The following NRAP variants were observed in gnomAD, a reference collection of about 807,000 sequenced individuals.
NRAP encodes nebulin-related-anchoring protein.
In NRAP, 189 loss-of-function variants were observed where a neutral mutation model predicts 225.9. That is an observed-to-expected ratio of 0.84 (90% CI 0.74 to 0.94). The LOEUF (loss-of-function observed/expected upper bound fraction) is 0.94. NRAP is among the 40% of genes least tolerant of loss of function. NRAP has a pLI of 0.00. For missense variants in NRAP, 2,176 were observed against 2,168.7 expected (o/e 1.00, Z -0.07); for synonymous variants, 769 against 790.7 (o/e 0.97, Z 0.46).
chr10:113,663,877 A>G lies in NRAP; in HGVS notation c.6T>C (p.Asn2=), dbSNP rs771281247. 1.9e-6 allele frequency: 3 copies of G among 1,613,270 alleles called. No individual in the cohort carries two copies. Among genetic ancestry groups the G allele is most frequent in the East Asian group, 4.5e-5 (2 of 44,886 alleles). The part of the protein sequence containing the change: M[N]VQPCSRCGYG... Reference sequence around the variant, plus strand: ...ACCCACACCTAGAACAGGGCTGCACATTCATCTCGAAGCCGGAAGAGAGAG... The same window carrying G: ...ACCCACACCTAGAACAGGGCTGCACGTTCATCTCGAAGCCGGAAGAGAGAG... The change falls in exon 1 of 42, where the codon AAT becomes AAC. Residue 2 remains asparagine, a synonymous_variant. Transcript: ENST00000359988.
chr10:113,646,077 G>A, intron 10 of NRAP, 136 bp from the exon 11 acceptor site: 1 of 548,172 alleles, frequency 1.8e-6, no homozygotes, highest in Admixed American at 3.1e-5. Context: ...AATTCACATG[G>A]CCTTTTCTCT....
Position 113,617,538 on chromosome 10 carries a change from G to C in NRAP, c.2890C>G (p.His964Asp), listed in dbSNP as rs1847741058. ...ELISEKKYRQ[H>D]PDALKFTSIK... is the part of the protein sequence containing the mutation. ...CTGGTAAACTTCAAAGCATCTGGAT[G>C]CTGACGGTACTTCTTCTGTTGAGCA... Residue 964 changes from histidine to aspartate, a missense_variant, in exon 26 of 42, where the codon CAT (histidine) becomes GAT (aspartate). By Grantham distance (81) the His-to-Asp change is moderately conservative. Coordinates refer to ENST00000359988, the MANE Select transcript of NRAP (RefSeq NM_198060.4). 6.2e-7 allele frequency: 1 copy of C among 1,607,790 alleles called. No individual in the cohort carries two copies.
chr10:113,655,455 T>C (rs10749139), intron 4 of NRAP, among the ~76,000 whole-genome samples: 20,358 of 55,700 alleles, frequency 0.37, 1,555 homozygotes, highest in Non-Finnish European at 0.41. Flanking sequence ...TACATCCATT[T>C]TTTTTTTTTT....
Position 113,605,869 on chromosome 10 carries a change from C to A in NRAP, c.3808G>T (p.Ala1270Ser). Residue 1270 changes from alanine to serine, a missense_variant and splice_region_variant, in exon 34 of 42, where the codon GCA (alanine) becomes TCA (serine). Transcript: ENST00000359988. ...TTACGCCAGGACTCTTTGTATCTTG[C>A]CTAAAGTGGGAACACATGTAAATCT... is the stretch of plus-strand genomic sequence containing the variant. ...AKTNAANLSD[A>S]RYKESWRNLR... is the part of the protein sequence containing the mutation. 1 of 1,608,376 alleles carries A rather than the reference C, an allele frequency of 6.2e-7. No individual in the cohort carries two copies. Among genetic ancestry groups the A allele is most frequent in the South Asian group, 1.1e-5 (1 of 90,586 alleles).
chr10:113,626,216 C>A (rs958284290), intron 20 of NRAP, 71 bp from the exon 21 acceptor site: 5 of 796,850 alleles, frequency 6.3e-6, no homozygotes, highest in East Asian at 2.9e-5. Context: ...CATGTGCCCC[C>A]ACACACACAC....
chr10:113,646,582 G>A (rs774752184), intron 10 of NRAP, among the ~76,000 whole-genome samples: 3 of 152,176 alleles, frequency 2.0e-5, no homozygotes, highest in Non-Finnish European at 2.9e-5. Context: ...CACCCAATTT[G>A]ATAATCATAT....
At position 113,620,732 on chromosome 10, in the gene NRAP, A is replaced by G. The variant is rs545507957; in HGVS notation, c.2770-24T>C. On this transcript the variant is annotated intron_variant, in intron 24 of 41. Coordinates refer to ENST00000359988, the MANE Select transcript of NRAP (RefSeq NM_198060.4). ...TTCTGACAAAGGAGAAAGAAAAAAAAAAAAAGCAGGCCATTGTTGGTGCAC... is the reference window on the plus strand; with the variant it reads ...TTCTGACAAAGGAGAAAGAAAAAAAGAAAAAGCAGGCCATTGTTGGTGCAC... 60 of 1,539,756 alleles carry G rather than the reference A, an allele frequency of 3.9e-5. 1 individual carries two copies. The South Asian group carries it at 6.5e-4, about 17-fold the overall frequency.
At chr10:113,594,242 C>T (rs1045690120) in intron 38 of NRAP, among the ~76,000 whole-genome samples, 11 of 152,242 alleles carry the variant, frequency 7.2e-5, no homozygotes, top group African/African-American at 2.7e-4. Flanking sequence ...TTTCCCTCCA[C>T]ATCTTCCTCA....
At chr10:113,614,090 C>G (rs1232302734) in intron 29 of NRAP, 93 bp downstream of exon 29, 8 of 812,154 alleles carry the variant, frequency 9.9e-6, no homozygotes, top group Middle Eastern at 2.3e-4. Context: ...AACCAATACC[C>G]ATGTCCAGAA....
intron 20 of NRAP, among the ~76,000 whole-genome samples, chr10:113,628,113 G>C (rs973015463): frequency 2.0e-5 from 3 of 152,182 alleles, no homozygotes; most frequent in African/African-American, 7.2e-5. Flanking sequence ...GCTTTCTATG[G>C]TGTAAAGAGA....
chr10:113,608,921 G>A (rs1847164875), intron 31 of NRAP, among the ~76,000 whole-genome samples: 1 of 152,190 alleles, frequency 6.6e-6, no homozygotes, highest in South Asian at 2.1e-4. Flanking sequence ...CACTTTAGGA[G>A]GCCAAGGCGG....
At chr10:113,619,954 C>G (rs1306476777) in intron 25 of NRAP, among the ~76,000 whole-genome samples, 1 of 152,162 alleles carries the variant, frequency 6.6e-6, no homozygotes, top group Non-Finnish European at 1.5e-5. Context: ...GTAGGACGTC[C>G]TGCTAAACAT....
chr10:113,592,209 C>T lies in NRAP; in HGVS notation c.4629G>A (p.Arg1543=). 2 of 1,609,150 alleles carry T rather than the reference C, an allele frequency of 1.2e-6. No homozygotes were observed. Among genetic ancestry groups the T allele is most frequent in the East Asian group, 2.2e-5 (1 of 44,692 alleles). ...GGGGTCTTACATCACTGGCGATCTC[C>T]CTAGATGCCCGGGCAGTCTGGAAGG... ...AIPFQTARAS[R]EIASDFRYKE... is the part of the protein sequence containing the mutation. The change falls in exon 39 of 42, where the codon AGG becomes AGA. Residue 1543 remains arginine (R), a synonymous_variant. Transcript: ENST00000359988.
chr10:113,624,202 A>G (rs981246530), intron 22 of NRAP, among the ~76,000 whole-genome samples: 1 of 152,068 alleles, frequency 6.6e-6, no homozygotes, highest in Non-Finnish European at 1.5e-5. Context: ...CTCCCCATCT[A>G]TTTCTCAGAT....
intron 10 of NRAP, among the ~76,000 whole-genome samples, chr10:113,646,494 G>A (rs1849516644): frequency 6.6e-6 from 1 of 152,220 alleles, no homozygotes. Context: ...ACTTTTCCAA[G>A]TTTAATTATA....
chr10:113,644,147 CAAAAAAA>C lies in NRAP; in HGVS notation c.1111-1116_1111-1110del, dbSNP rs60015356. Among the ~76,000 whole-genome samples, 429 of 48,004 alleles carry C rather than the reference CAAAAAAA, an allele frequency of 8.9e-3. 6 individuals are homozygous for C. The highest frequency in any genetic ancestry group is 0.03 in the African/African-American group (395 of 13,126). The allele number at this position is 48,004 out of a possible 152,430, so 31.5% of individuals were successfully genotyped here. ...GGCCAACAAGAGTGAAACTCCCTCT[CAAAAAAA>C]AAAAAAAAAAAAAAAGGCCAAAATG... On this transcript the variant is annotated intron_variant, in intron 11 of 41. Coordinates refer to ENST00000359988, the MANE Select transcript of NRAP (RefSeq NM_198060.4).
rs1231639311 is a variant in NRAP, at chr10:113,606,206, G to A, written c.3779C>T (p.Ala1260Val). 1 of 1,614,006 alleles carries A rather than the reference G, an allele frequency of 6.2e-7. No homozygotes were observed. The highest frequency in any genetic ancestry group is 1.7e-5 in the Admixed American group (1 of 60,030). Residue 1260 changes from alanine to valine, a missense_variant, in exon 33 of 42, where the codon GCA becomes GTA. Coordinates refer to ENST00000359988, the MANE Select transcript of NRAP (RefSeq NM_198060.4). ...MTLGLPEFIR[A>V]KTNAANLSDA... ...ACTCAGGTTGGCTGCATTCGTTTTTGCTCGGATGAACTCGGGCAGACCCAG... is the reference window on the plus strand; with the variant it reads ...ACTCAGGTTGGCTGCATTCGTTTTTACTCGGATGAACTCGGGCAGACCCAG...
rs1317349610 is a variant in NRAP at position 113,590,887 on chromosome 10, G to C, written c.4647C>G (p.Phe1549Leu). 1.2e-6 allele frequency: 2 copies of C among 1,613,014 alleles called. No individual in the cohort carries two copies. Among genetic ancestry groups the C allele is most frequent in the Admixed American group, 3.3e-5 (2 of 59,986 alleles). Residue 1549 changes from phenylalanine (F) to leucine (L), a missense_variant and splice_region_variant, in exon 40 of 42, where the codon TTC (phenylalanine) becomes TTG (leucine). By Grantham distance (22) the Phe-to-Leu change is conservative (BLOSUM62 0). Transcript: ENST00000359988. ...CCCGCAGGAAAGCCTCTTTGTACCG[G>C]AACTGCAAGTCAGAGGAGCAGAGGC... ...ARASREIASD[F>L]RYKEAFLRDR...
intron 25 of NRAP, among the ~76,000 whole-genome samples, chr10:113,618,147 G>C (rs540182985): frequency 1.7e-3 from 209 of 125,246 alleles, no homozygotes; most frequent in African/African-American, 5.4e-3. Flanking sequence ...AGACACTGAA[G>C]CAAAAAAAAA....
Sources: gnomAD v4.1 joint callset for allele counts (sites outside exome capture counted in the v4.1 genomes callset) on GRCh38, gnomAD v4.1.1 for gene constraint, MANE v1.5 for transcripts, NCBI Gene and HGNC (gene_info 2026-07-23, HGNC 2026-07-21) for gene names.